RGS6: variants seen among roughly 807,000 people sequenced by gnomAD.
RGS6 encodes the protein regulator of G-protein signaling 6.
Under a neutral mutation model 78.5 loss-of-function variants are expected in RGS6, and 30 were observed. That is an observed-to-expected ratio of 0.38 (90% CI 0.29 to 0.52). The LOEUF is 0.52. RGS6 is among the 20% of genes least tolerant of loss of function. The pLI is 0.85. For missense variants in RGS6, 495 were observed against 609.7 expected, an observed-to-expected ratio of 0.81 and a Z score of 1.98; for synonymous variants, 206 against 206.0, an observed-to-expected ratio of 1.00 and a Z score of 0.00.
chr14:72,364,137 T>C (rs907586042), intron 3 of RGS6, among the ~76,000 whole-genome samples: 1 of 151,954 alleles, frequency 6.6e-6, no homozygotes, highest in Non-Finnish European at 1.5e-5. Flanking sequence ...ACTTAACTAC[T>C]GCACAGACCA....
Position 72,196,146 on chromosome 14 carries a change from C to T in RGS6, c.85-155949C>T, listed in dbSNP as rs116676553. Among the ~76,000 whole-genome samples the T allele has an allele frequency of 2.7e-3, 416 of 152,128 alleles. 3 individuals are homozygous for T. Among genetic ancestry groups the T allele is most frequent in the African/African-American group, 9.4e-3 (389 of 41,486 alleles). ...TTCGAAAGCAGAGATGCGAGAGACA[C>T]GGAGAAGGTGGACATACAGCCTCTG... is the stretch of plus-strand genomic sequence containing the variant. On this transcript the variant is annotated intron_variant, in intron 2 of 17. Transcript: ENST00000553525.
intron 2 of RGS6, among the ~76,000 whole-genome samples, chr14:72,099,950 T>C (rs2095493378): frequency 6.6e-6 from 1 of 152,034 alleles, no homozygotes; most frequent in Admixed American, 6.6e-5. Flanking sequence ...ATCCTAAACA[T>C]GGGAATGTCG....
At chr14:71,923,290 T>C in the RGS6 span, among the ~76,000 whole-genome samples, 2 of 152,140 alleles carry the variant, frequency 1.3e-5, no homozygotes, top group Admixed American at 1.3e-4. Flanking sequence ...GGAATGGGTG[T>C]GGTAGACAAC....
the RGS6 span, among the ~76,000 whole-genome samples, chr14:72,590,506 G>GA: frequency 0.018 from 2,765 of 152,138 alleles, 86 homozygotes; most frequent in African/African-American, 0.063. Flanking sequence ...TACACTGAGG[G>GA]AAAAAAAGCC....
the RGS6 span, among the ~76,000 whole-genome samples, chr14:71,873,458 T>G: frequency 6.6e-6 from 1 of 152,238 alleles, no homozygotes; most frequent in African/African-American, 2.4e-5. Flanking sequence ...GAGTGTCTGT[T>G]CATATCCTTC....
intron 1 of RGS6, among the ~76,000 whole-genome samples, chr14:71,953,894 G>C (rs1371041641): frequency 1.4e-5 from 2 of 146,656 alleles, no homozygotes; most frequent in East Asian, 4.1e-4. Flanking sequence ...CTCAGTTTTT[G>C]CTTGTCTGTG....
chr14:72,390,934 G>C (rs1225659338), intron 3 of RGS6, among the ~76,000 whole-genome samples: 2 of 152,166 alleles, frequency 1.3e-5, no homozygotes, highest in East Asian at 3.9e-4. Context: ...TCCTTTTGGA[G>C]CCACAGGTAA....
chr14:72,083,009 C>T (rs1457452199), intron 2 of RGS6, among the ~76,000 whole-genome samples: 3 of 152,162 alleles, frequency 2.0e-5, no homozygotes, highest in Non-Finnish European at 4.4e-5. Context: ...TTGAGGTGTA[C>T]TTACACCTGT....
chr14:71,997,561 A>T (rs4902966), intron 2 of RGS6, among the ~76,000 whole-genome samples: 105,291 of 152,036 alleles, frequency 0.69, 36,902 homozygotes, highest in East Asian at 0.78. Context: ...TGTCCTCAAA[A>T]AGGTTAACCC....
chr14:72,430,067 T>G (rs1322753411), intron 3 of RGS6, among the ~76,000 whole-genome samples: 1 of 152,184 alleles, frequency 6.6e-6, no homozygotes, highest in African/African-American at 2.4e-5. Flanking sequence ...CTTTATAAAT[T>G]AACCAGTCTC....
chr14:72,578,500 G>GA, the RGS6 span, among the ~76,000 whole-genome samples: 1 of 152,184 alleles, frequency 6.6e-6, no homozygotes, highest in East Asian at 1.9e-4. Context: ...TCCAGCACTA[G>GA]AAAAATATAT....
chr14:72,413,335 T>C (rs1454843431), intron 3 of RGS6, among the ~76,000 whole-genome samples: 5 of 152,224 alleles, frequency 3.3e-5, no homozygotes, highest in African/African-American at 1.2e-4. Context: ...GCCTTCTTTG[T>C]CTCTTTTGAT....
At position 72,284,421 on chromosome 14, in the gene RGS6, A is replaced by G. The variant is rs775392965; in HGVS notation, c.85-67674A>G. 1.2e-4 allele frequency among the ~76,000 whole-genome samples: 19 copies of G among 152,332 alleles called. No homozygotes were observed. In the South Asian group the frequency reaches 1.4e-3, roughly 12 times the overall value. On this transcript the variant is annotated intron_variant, in intron 2 of 17. Coordinates refer to ENST00000553525, the MANE Select transcript of RGS6 (RefSeq NM_001204424.2). The stretch of plus-strand genomic sequence containing the variant: ...GCCCGGCATCCTAGCCATTTTAGCC[A>G]TGGCTAAAAGGGGCCAAGGTATAGC...
At chr14:72,262,355 C>T (rs1454417111) in intron 2 of RGS6, among the ~76,000 whole-genome samples, 1 of 152,214 alleles carries the variant, frequency 6.6e-6, no homozygotes, top group Non-Finnish European at 1.5e-5. Context: ...GGCCTCTCTT[C>T]CTGGTTTGCA....
chr14:72,540,297 G>A (rs771701404), intron 17 of RGS6: 41 of 1,500,458 alleles, frequency 2.7e-5, no homozygotes, highest in East Asian at 1.9e-4. Context: ...AAGAGCAAGC[G>A]GCTCCCTCTG....
intron 2 of RGS6, among the ~76,000 whole-genome samples, chr14:72,236,854 C>T (rs980918100): frequency 3.9e-5 from 6 of 152,066 alleles, no homozygotes; most frequent in African/African-American, 4.8e-5. Context: ...TGCGCAGAGG[C>T]GCTTCTCACC....
chr14:72,242,917 C>T (rs1429092918), intron 2 of RGS6, among the ~76,000 whole-genome samples: 1 of 135,978 alleles, frequency 7.4e-6, no homozygotes. Flanking sequence ...GGTGCAATCT[C>T]GGCTCACTGT....
chr14:72,136,264 G>C (rs2096438325), intron 2 of RGS6, among the ~76,000 whole-genome samples: 1 of 152,054 alleles, frequency 6.6e-6, no homozygotes, highest in South Asian at 2.1e-4. Flanking sequence ...CTAGAAAGAA[G>C]GAACTGAGAC....
intron 2 of RGS6, among the ~76,000 whole-genome samples, chr14:72,078,026 T>C (rs1246354621): frequency 6.6e-6 from 1 of 152,188 alleles, no homozygotes; most frequent in African/African-American, 2.4e-5. Context: ...GTGGTATGGT[T>C]TGGATCTCTG....
Sources: gnomAD v4.1 joint callset for allele counts (sites outside exome capture counted in the v4.1 genomes callset) on GRCh38, gnomAD v4.1.1 for gene constraint, MANE v1.5 for transcripts, NCBI Gene and HGNC (gene_info 2026-07-23, HGNC 2026-07-21) for gene names.